Variants in NOX4 observed in about 807,000 individuals in gnomAD.
NOX4 encodes the protein NADPH oxidase 4.
A neutral mutation model predicts 87.6 loss-of-function variants in NOX4; 69 were observed. The observed-to-expected ratio is 0.79, with a 90% CI of 0.65 to 0.96. NOX4 has a LOEUF of 0.96. Ranked by LOEUF, NOX4 falls within the 40% of genes least tolerant of loss-of-function variation. The probability of loss-of-function intolerance (pLI) is 0.00; values close to 1 mark genes in which losing one functional copy is unlikely to be tolerated. For missense variants in NOX4, 680 were observed against 681.5 expected (o/e 1.00, Z 0.02); for synonymous variants, 275 against 238.2 (o/e 1.15, Z -1.42).
chr11:89,446,028 A>T (rs1006327662), intron 4 of NOX4, among the ~76,000 whole-genome samples: 1 of 152,154 alleles, frequency 6.6e-6, no homozygotes, highest in African/African-American at 2.4e-5. Context: ...AAGAAAACAA[A>T]CAACCCAATT....
chr11:89,344,318 A>C (rs1005222670), intron 13 of NOX4, among the ~76,000 whole-genome samples: 8 of 152,162 alleles, frequency 5.3e-5, no homozygotes, highest in Non-Finnish European at 1.0e-4. Context: ...CCCAGCACTT[A>C]GGGAGGCTGA....
intron 11 of NOX4, among the ~76,000 whole-genome samples, chr11:89,384,351 C>T (rs1940527076): frequency 6.6e-6 from 1 of 152,146 alleles, no homozygotes; most frequent in African/African-American, 2.4e-5. Flanking sequence ...GGCTGTACTG[C>T]CACAAGGCTT....
chr11:89,355,694 T>C (rs1937994943), intron 12 of NOX4, among the ~76,000 whole-genome samples: 1 of 152,152 alleles, frequency 6.6e-6, no homozygotes, highest in Admixed American at 6.6e-5. Context: ...TAAGCTCTTA[T>C]GTACTGCTGG....
intron 6 of NOX4, among the ~76,000 whole-genome samples, chr11:89,440,212 C>T (rs928095680): frequency 6.6e-6 from 1 of 152,146 alleles, no homozygotes; most frequent in Non-Finnish European, 1.5e-5. Context: ...CAACCTTATC[C>T]TTTAACTCCA....
intron 2 of NOX4, among the ~76,000 whole-genome samples, chr11:89,473,460 T>C (rs112108538): frequency 3.4e-4 from 47 of 140,062 alleles, no homozygotes; most frequent in African/African-American, 1.2e-3. Context: ...GTGGCCTGAA[T>C]AAACAAAAAA....
intron 2 of NOX4, chr11:89,488,955 T>C: frequency 1.4e-6 from 1 of 701,394 alleles, no homozygotes. Context: ...TCTTACTCTC[T>C]GGGTGCCCAT....
At chr11:89,560,994 CTCTA>C in the NOX4 span, among the ~76,000 whole-genome samples, 213 of 59,376 alleles carry the variant, frequency 3.6e-3, no homozygotes, top group African/African-American at 0.013. Context: ...CTCTCTCTCT[CTCTA>C]TATATATATA....
chr11:89,482,679 C>T (rs916591359), intron 2 of NOX4, among the ~76,000 whole-genome samples: 16 of 152,012 alleles, frequency 1.1e-4, no homozygotes, highest in African/African-American at 3.6e-4. Context: ...AGCAAACTAA[C>T]AGAGTAGGTA....
chr11:89,359,988 T>C (rs1255831571), intron 12 of NOX4, among the ~76,000 whole-genome samples: 1 of 151,996 alleles, frequency 6.6e-6, no homozygotes, highest in African/African-American at 2.4e-5. Flanking sequence ...CAAAACGAAA[T>C]CCTTAAGGGA....
intron 8 of NOX4, among the ~76,000 whole-genome samples, chr11:89,417,201 G>T (rs1469895466): frequency 2.6e-5 from 4 of 152,100 alleles, no homozygotes; most frequent in Non-Finnish European, 4.4e-5. Context: ...AAGGAGCTGG[G>T]TTGGGCTCTT....
In NOX4 at chr11:89,325,118, T is replaced by TTTTTTTC. The variant is rs1945173519; in HGVS notation, c.*1637_*1638insGAAAAAA. 1 of 68,610 alleles carries TTTTTTTC rather than the reference T, an allele frequency of 1.5e-5. No individual in the cohort carries two copies. The highest frequency in any genetic ancestry group is 3.3e-5 in the Non-Finnish European group (1 of 30,678). The allele number at this position is 68,610 out of a possible 1,614,324, so 4.3% of individuals were successfully genotyped here. The stretch of plus-strand genomic sequence containing the variant: ...AAACTGTATGAATGCTTTAATTCTT[T>TTTTTTTC]TTTTTTTTTTTTTTTTTTTTTTTTG... On this transcript the variant is annotated 3_prime_UTR_variant, in exon 18 of 18. Coordinates refer to ENST00000263317, the MANE Select transcript of NOX4 (RefSeq NM_016931.5).
chr11:89,523,880 A>G, the NOX4 span, among the ~76,000 whole-genome samples: 2 of 152,230 alleles, frequency 1.3e-5, no homozygotes, highest in African/African-American at 2.4e-5. Context: ...ACACACAAAC[A>G]TATGTATAGC....
chr11:89,553,833 T>C, the NOX4 span, among the ~76,000 whole-genome samples: 1 of 151,992 alleles, frequency 6.6e-6, no homozygotes, highest in Non-Finnish European at 1.5e-5. Context: ...ACCATTTATT[T>C]TAGCTAACTG....
At chr11:89,353,675 C>CA (rs1937751955) in intron 13 of NOX4, among the ~76,000 whole-genome samples, 1 of 152,044 alleles carries the variant, frequency 6.6e-6, no homozygotes, top group African/African-American at 2.4e-5. Flanking sequence ...CCTGTAGCTG[C>CA]AAATAGATAA....
At chr11:89,585,607 A>G in the NOX4 span, among the ~76,000 whole-genome samples, 2,505 of 152,282 alleles carry the variant, frequency 0.016, 63 homozygotes, top group African/African-American at 0.057. Context: ...CTGTGTTTCA[A>G]TGAAACTTCA....
intron 2 of NOX4, among the ~76,000 whole-genome samples, chr11:89,457,624 T>C (rs1359948046): frequency 6.6e-6 from 1 of 151,770 alleles, no homozygotes; most frequent in Non-Finnish European, 1.5e-5. Flanking sequence ...CCTAAAACCT[T>C]CCAGAAATAA....
upstream of NOX4, among the ~76,000 whole-genome samples, chr11:89,499,406 C>T (rs1946994387): frequency 6.6e-6 from 1 of 152,156 alleles, no homozygotes; most frequent in South Asian, 2.1e-4. Context: ...AATGAAAACT[C>T]AGCATTCACC....
intron 11 of NOX4, among the ~76,000 whole-genome samples, chr11:89,380,242 T>C (rs1181820940): frequency 6.6e-6 from 1 of 151,998 alleles, no homozygotes; most frequent in Admixed American, 6.6e-5. Context: ...ACAACAAAAA[T>C]AGACTGAGTA....
intron 11 of NOX4, among the ~76,000 whole-genome samples, chr11:89,382,151 G>T (rs761965599): frequency 5.9e-5 from 9 of 151,876 alleles, no homozygotes; most frequent in Non-Finnish European, 1.2e-4. Flanking sequence ...AGGGGGGAGG[G>T]CAGGTACCCC....
Sources: allele counts gnomAD v4.1 joint callset (sites outside exome capture counted in the v4.1 genomes callset), GRCh38; gene constraint gnomAD v4.1.1; transcripts MANE v1.5; gene names NCBI Gene and HGNC (gene_info 2026-07-23, HGNC 2026-07-21).